The following SCOC variants were observed in gnomAD, a reference collection of about 807,000 sequenced individuals.
SCOC encodes the protein short coiled-coil protein, also known as short coiled coil protein.
Under a neutral mutation model 9.9 loss-of-function variants are expected in SCOC, and 7 were observed. That is an observed-to-expected ratio of 0.71 (90% CI 0.40 to 1.33). The LOEUF (loss-of-function observed/expected upper bound fraction) is 1.33. Ranked by LOEUF, SCOC falls within the 40% of genes most tolerant of loss-of-function variation. SCOC has a pLI of 0.01. For missense variants in SCOC, 66 were observed against 89.7 expected (o/e 0.74, Z 1.07); for synonymous variants, 19 against 28.2 (o/e 0.67, Z 1.03).
chr4:140,298,499 C>A (rs539704982), intron 1 of SCOC, among the ~76,000 whole-genome samples: 1 of 152,320 alleles, frequency 6.6e-6, no homozygotes, highest in East Asian at 1.9e-4. Flanking sequence ...CAGAACCAAC[C>A]AAGGTGGGTA....
At chr4:140,355,220 T>TATATATATG (rs1553940393) in intron 2 of SCOC, among the ~76,000 whole-genome samples, 5 of 18,818 alleles carry the variant, frequency 2.7e-4, no homozygotes, top group African/African-American at 4.1e-4. Context: ...TTTATATATA[T>TATATATATG]ATATATATAT....
At chr4:140,304,103 G>A (rs984089358) in intron 1 of SCOC, among the ~76,000 whole-genome samples, 5 of 152,104 alleles carry the variant, frequency 3.3e-5, no homozygotes, top group African/African-American at 1.2e-4. Context: ...GGTGCTTAGG[G>A]AGAAACCTAA....
intron 2 of SCOC, 58 bp from the exon 3 acceptor site, chr4:140,379,511 A>G (rs1227968084): frequency 8.0e-7 from 1 of 1,244,200 alleles, no homozygotes; most frequent in East Asian, 2.3e-5. Context: ...TTTAAGTGCT[A>G]CCCTACACAA....
At chr4:140,343,167 T>C (rs765752946), upstream of SCOC, among the ~76,000 whole-genome samples, 6 of 152,192 alleles carry the variant, frequency 3.9e-5, no homozygotes, top group Admixed American at 6.5e-5. Flanking sequence ...AGATAGAACA[T>C]TGAGGCTCTG....
Position 140,376,056 on chromosome 4 carries a change from A to G in SCOC, c.-51+2339A>G, listed in dbSNP as rs560379672. On this transcript the variant is annotated intron_variant, in intron 1 of 3. Transcript: ENST00000608372. ...TTTGACATGGAATTAGATTGATGTTATAGCAACTATAGGTAAAAAAGGATT... is the reference window on the plus strand; with the variant it reads ...TTTGACATGGAATTAGATTGATGTTGTAGCAACTATAGGTAAAAAAGGATT... Among the ~76,000 whole-genome samples, 8 of 152,338 alleles carry G rather than the reference A, an allele frequency of 5.3e-5. No homozygotes were observed. In the South Asian group the frequency reaches 8.3e-4, roughly 16 times the overall value.
At chr4:140,361,777 C>G (rs1727480285) in intron 2 of SCOC, among the ~76,000 whole-genome samples, 1 of 152,166 alleles carries the variant, frequency 6.6e-6, no homozygotes, top group Non-Finnish European at 1.5e-5. Flanking sequence ...GAAGAAACTT[C>G]TGTGAGTGAC....
In SCOC at chr4:140,380,449, C is replaced by T. The variant is rs193095507; in HGVS notation, c.107-513C>T. Among the ~76,000 whole-genome samples the T allele has an allele frequency of 5.1e-4, 78 of 152,062 alleles. 1 individual carries two copies. The highest frequency in any genetic ancestry group is 9.8e-4 in the Admixed American group (15 of 15,288). ...TCCTGACCTCATGATCCACCCGCCT[C>T]GGCCTCCCAAAGTGCTGGGATTACA... On this transcript the variant is annotated intron_variant, in intron 3 of 3. Transcript: ENST00000608372.
chr4:140,336,033 C>A (rs1732947532), intron 1 of SCOC, among the ~76,000 whole-genome samples: 1 of 152,220 alleles, frequency 6.6e-6, no homozygotes, highest in South Asian at 2.1e-4. Context: ...TCCTTTGATG[C>A]AGGTGTATTC....
upstream of SCOC, among the ~76,000 whole-genome samples, chr4:140,372,179 G>C (rs558925475): frequency 6.1e-4 from 93 of 152,294 alleles, 1 homozygote; most frequent in East Asian, 7.7e-4. Flanking sequence ...AAGAGAGATT[G>C]GTTCTGGAGA....
chr4:140,287,628 GCACATGC>G (rs1482551805), intron 1 of SCOC, among the ~76,000 whole-genome samples: 1 of 151,934 alleles, frequency 6.6e-6, no homozygotes, highest in African/African-American at 2.4e-5. Context: ...ACATGCATAT[GCACATGC>G]CACACAGAGT....
intron 1 of SCOC, among the ~76,000 whole-genome samples, chr4:140,313,731 G>A (rs1490734124): frequency 6.6e-6 from 1 of 151,944 alleles, no homozygotes; most frequent in Non-Finnish European, 1.5e-5. Context: ...TTGCTAATAC[G>A]CAATGTAAAG....
chr4:140,382,993 C>G lies in SCOC; in HGVS notation c.*1889C>G, dbSNP rs942651182. On this transcript the variant is annotated 3_prime_UTR_variant, in exon 4 of 4. Transcript: ENST00000608372. The stretch of plus-strand genomic sequence containing the variant: ...CCATTTTAAATCATGGCTTTCAAGT[C>G]ACTCTAGTTATTCTTCTAATTTGCA... 1 of 152,204 alleles carries G rather than the reference C, an allele frequency of 6.6e-6. No individual in the cohort carries two copies. Among genetic ancestry groups the G allele is most frequent in the Non-Finnish European group, 1.5e-5 (1 of 68,052 alleles). 9.4% of individuals were successfully genotyped at this position (152,204 alleles called of 1,614,324 possible).
chr4:140,329,363 G>A (rs1384338746), intron 1 of SCOC, among the ~76,000 whole-genome samples: 1 of 152,070 alleles, frequency 6.6e-6, no homozygotes, highest in Admixed American at 6.6e-5. Context: ...GATAACATTG[G>A]AAAAACCCTA....
At chr4:140,358,338 G>A (rs911271245) in intron 2 of SCOC, among the ~76,000 whole-genome samples, 7 of 152,196 alleles carry the variant, frequency 4.6e-5, no homozygotes, top group African/African-American at 1.7e-4. Flanking sequence ...GCTGCTAAGA[G>A]CTAACATTTC....
Position 140,382,087 on chromosome 4 carries a change from G to A in SCOC, c.*983G>A, listed in dbSNP as rs1319433268. The A allele has an allele frequency of 6.6e-6, 1 of 151,978 alleles. No individual in the cohort carries two copies. The highest frequency in any genetic ancestry group is 1.5e-5 in the Non-Finnish European group (1 of 67,996). 9.4% of individuals were successfully genotyped at this position (151,978 alleles called of 1,614,324 possible). On this transcript the variant is annotated 3_prime_UTR_variant, in exon 4 of 4. Coordinates refer to ENST00000608372, the MANE Select transcript of SCOC (RefSeq NM_001153484.2). ...TCTCTAAGTTGATTTGTACCCAGTGGGTCAACTTCTGCAAAATTCCGTAAT... is the reference window on the plus strand; with the variant it reads ...TCTCTAAGTTGATTTGTACCCAGTGAGTCAACTTCTGCAAAATTCCGTAAT...
At chr4:140,312,305 T>C (rs1462464143) in intron 1 of SCOC, among the ~76,000 whole-genome samples, 1 of 152,164 alleles carries the variant, frequency 6.6e-6, no homozygotes, top group Non-Finnish European at 1.5e-5. Context: ...CGTTCACTGA[T>C]CAAGCTTGAT....
intron 1 of SCOC, among the ~76,000 whole-genome samples, chr4:140,315,309 T>C (rs1051877366): frequency 2.6e-5 from 4 of 152,206 alleles, no homozygotes; most frequent in African/African-American, 7.2e-5. Flanking sequence ...CTAACATTTA[T>C]TGTGTGATTC....
intron 2 of SCOC, among the ~76,000 whole-genome samples, chr4:140,362,299 C>CTTCTTCTTCTTTT (rs367795160): frequency 5.2e-5 from 2 of 38,376 alleles, no homozygotes; most frequent in African/African-American, 1.5e-4. Context: ...TCTTCTTCTT[C>CTTCTTCTTCTTTT]TTTTTTTTTT....
At chr4:140,353,544 G>A (rs1243585066) in intron 2 of SCOC, among the ~76,000 whole-genome samples, 1 of 151,926 alleles carries the variant, frequency 6.6e-6, no homozygotes, top group Non-Finnish European at 1.5e-5. Context: ...CTGAGTAGCT[G>A]GGATTATGGG....
Sources: allele counts gnomAD v4.1 joint callset (sites outside exome capture counted in the v4.1 genomes callset), GRCh38; gene constraint gnomAD v4.1.1; transcripts MANE v1.5; gene names NCBI Gene and HGNC (gene_info 2026-07-23, HGNC 2026-07-21).